Variants in ZHX2 observed in about 807,000 individuals in gnomAD.
The protein encoded by ZHX2 is zinc fingers and homeoboxes 2.
ZHX2 carries 6 observed loss-of-function variants against 21.9 expected under a neutral mutation model. That is an observed-to-expected ratio of 0.27 (90% CI 0.15 to 0.54). ZHX2 has a LOEUF of 0.54. ZHX2 is among the 20% of genes least tolerant of loss of function. The probability of loss-of-function intolerance (pLI) is 0.95; values close to 1 mark genes in which losing one functional copy is unlikely to be tolerated. For missense variants in ZHX2, 908 were observed against 1,090.7 expected (o/e 0.83, Z 2.36); for synonymous variants, 434 against 437.1 (o/e 0.99, Z 0.09).
chr8:122,913,552 C>G (rs1467086966), intron 2 of ZHX2, among the ~76,000 whole-genome samples: 1 of 152,302 alleles, frequency 6.6e-6, no homozygotes, highest in South Asian at 2.1e-4. Flanking sequence ...AGGTGGGACT[C>G]TCCCTCTGAG....
intron 2 of ZHX2, among the ~76,000 whole-genome samples, chr8:122,898,545 T>G (rs1820151160): frequency 6.6e-6 from 1 of 152,210 alleles, no homozygotes; most frequent in African/African-American, 2.4e-5. Context: ...CCACTTCTAA[T>G]TGTCTTCCCG....
At chr8:122,871,422 G>A (rs191202904) in intron 2 of ZHX2, among the ~76,000 whole-genome samples, 3 of 150,340 alleles carry the variant, frequency 2.0e-5, no homozygotes, top group Admixed American at 6.7e-5. Flanking sequence ...GCAAACTATC[G>A]CAAGGACAAA....
chr8:122,953,509 C>G lies in ZHX2; in HGVS notation c.1999C>G (p.Leu667Val). 6.2e-7 allele frequency: 1 copy of G among 1,614,240 alleles called. No individual in the cohort carries two copies. The highest frequency in any genetic ancestry group is 8.5e-7 in the Non-Finnish European group (1 of 1,180,040). The change falls in exon 3 of 4, where the codon CTG becomes GTG. Residue 667 changes from leucine to valine, a missense_variant. Physicochemically the swap from Leu to Val is conservative, Grantham distance 32 (BLOSUM62 1). This residue lies in a region of ZHX2 where 431 missense variants were observed against 428.6 expected (regional missense o/e 1.01). Coordinates refer to ENST00000314393, the MANE Select transcript of ZHX2 (RefSeq NM_014943.5). This position sits in a 1 kb window ranked among gnomAD's most constrained non-coding sequence, Gnocchi z 4.6. ...CGACCAGTTAGCGGCCAAGACTGGC[C>G]TGGTCCGAACTGAGATTGTGCGTTG... Reference protein sequence around the residue: ...EYDQLAAKTGLVRTEIVRWFK... With the variant: ...EYDQLAAKTGVVRTEIVRWFK...
intron 2 of ZHX2, among the ~76,000 whole-genome samples, chr8:122,865,371 G>T (rs111544386): frequency 1.3e-5 from 2 of 152,010 alleles, no homozygotes; most frequent in African/African-American, 4.8e-5. Context: ...CTCATGATCC[G>T]CCCGCCTCAG....
At position 122,965,905 on chromosome 8, in the gene ZHX2, C is replaced by T. The variant is rs183809860; in HGVS notation, c.*5-7337C>T. On this transcript the variant is annotated intron_variant, in intron 3 of 3. Coordinates refer to ENST00000314393, the MANE Select transcript of ZHX2 (RefSeq NM_014943.5). ...ACTTCTTTTATCATTATATAATGTC[C>T]CTCTTTGTCTTTTTTAACTGTTGTT... Among the ~76,000 whole-genome samples the T allele has an allele frequency of 1.6e-3, 237 of 151,908 alleles. 3 individuals are homozygous for T. Among genetic ancestry groups the T allele is most frequent in the Non-Finnish European group, 1.6e-4 (11 of 67,936 alleles).
chr8:122,953,559 G>A lies in ZHX2; in HGVS notation c.2049G>A (p.Leu683=), dbSNP rs1813200076. The A allele has an allele frequency of 6.2e-7, 1 of 1,614,120 alleles. No homozygotes were observed. Among genetic ancestry groups the A allele is most frequent in the Admixed American group, 1.7e-5 (1 of 60,010 alleles). Residue 683 remains leucine, a synonymous_variant, in exon 3 of 4, where the codon CTG becomes CTA. Transcript: ENST00000314393. This position sits in a 1 kb window ranked among gnomAD's most constrained non-coding sequence, Gnocchi z 4.6. The part of the protein sequence containing the change: ...VRWFKENRCL[L]KTGTVKWMEQ... ...GGTTCAAGGAGAACAGATGCTTGCT[G>A]AAAACGGGAACCGTGAAGTGGATGG...
At chr8:122,950,950 A>G (rs1361813846) in intron 2 of ZHX2, among the ~76,000 whole-genome samples, 1 of 152,026 alleles carries the variant, frequency 6.6e-6, no homozygotes, top group African/African-American at 2.4e-5. Context: ...GAGGTACCAT[A>G]TCTAAAAGTG....
rs1820799126 is a variant in ZHX2 at position 122,924,140 on chromosome 8, A to G, written c.-219-27152A>G. On this transcript the variant is annotated intron_variant, in intron 2 of 3. Coordinates refer to ENST00000314393, the MANE Select transcript of ZHX2 (RefSeq NM_014943.5). ...AGCACCACAAACTGGGTAGCTTGGG[A>G]GAGATTCATTGTCTTCTAGTTCTGG... Among the ~76,000 whole-genome samples, 4 of 152,196 alleles carry G rather than the reference A, an allele frequency of 2.6e-5. No individual in the cohort carries two copies. The South Asian group carries it at 6.2e-4, about 24-fold the overall frequency.
chr8:122,790,849 C>T (rs898198677), intron 1 of ZHX2, among the ~76,000 whole-genome samples: 2 of 152,146 alleles, frequency 1.3e-5, no homozygotes, highest in African/African-American at 4.8e-5. Flanking sequence ...CTCAAGCGAT[C>T]CTCCCATCTC....
chr8:122,865,893 C>T (rs1819281642), intron 2 of ZHX2, among the ~76,000 whole-genome samples: 1 of 152,100 alleles, frequency 6.6e-6, no homozygotes, highest in African/African-American at 2.4e-5. Flanking sequence ...GGAAGCAATC[C>T]CCACCGGTTA....
In ZHX2 at chr8:122,953,174, C is replaced by A. The variant is rs1332365304; in HGVS notation, c.1664C>A (p.Thr555Asn). 1 of 1,613,596 alleles carries A rather than the reference C, an allele frequency of 6.2e-7. No individual in the cohort carries two copies. Among genetic ancestry groups the A allele is most frequent in the African/African-American group, 1.3e-5 (1 of 74,808 alleles). ...AGCTTTTTGAAAAGTTCTTTTCCTA[C>A]CCAAGCAGAACTGGATCGGCTAAGG... ...EDSFLKSSFP[T>N]QAELDRLRVE... is the part of the protein sequence containing the mutation. Residue 555 changes from threonine (T) to asparagine (N), a missense_variant, in exon 3 of 4, where the codon ACC (threonine) becomes AAC (asparagine). Physicochemically the swap from Thr to Asn is moderately conservative, Grantham distance 65. This residue lies in a region of ZHX2 where 431 missense variants were observed against 428.6 expected (regional missense o/e 1.01). Transcript: ENST00000314393. This position sits in a 1 kb window ranked among gnomAD's most constrained non-coding sequence, Gnocchi z 4.6.
intron 2 of ZHX2, among the ~76,000 whole-genome samples, chr8:122,894,702 C>T (rs778071247): frequency 2.0e-5 from 3 of 152,086 alleles, no homozygotes; most frequent in Admixed American, 6.5e-5. Flanking sequence ...TGTTAAATGA[C>T]GAGTTAATGG....
In ZHX2 at chr8:122,896,408, A is replaced by C. The variant is rs555902443; in HGVS notation, c.-220+32869A>C. Among the ~76,000 whole-genome samples the C allele has an allele frequency of 9.2e-5, 14 of 152,348 alleles. No homozygotes were observed. In the South Asian group the frequency reaches 2.9e-3, roughly 32 times the overall value. ...AATGAACATAAAAGCCTATGACACA[A>C]TGATGGAAGTAACTGGCATTTTTGA... is the stretch of plus-strand genomic sequence containing the variant. On this transcript the variant is annotated intron_variant, in intron 2 of 3. Transcript: ENST00000314393.
intron 1 of ZHX2, among the ~76,000 whole-genome samples, chr8:122,838,683 C>G (rs1383459820): frequency 6.8e-6 from 1 of 146,966 alleles, no homozygotes; most frequent in Non-Finnish European, 1.5e-5. Flanking sequence ...TCAAGCGATT[C>G]ATTCCTGCCT....
chr8:122,935,580 G>A (rs1014179510), intron 2 of ZHX2, among the ~76,000 whole-genome samples: 1 of 145,482 alleles, frequency 6.9e-6, no homozygotes, highest in Non-Finnish European at 1.5e-5. Flanking sequence ...CTGTCACCCA[G>A]GCTGGAGTGC....
intron 2 of ZHX2, among the ~76,000 whole-genome samples, chr8:122,868,163 G>A (rs978767620): frequency 5.3e-5 from 8 of 152,294 alleles, no homozygotes; most frequent in Admixed American, 2.0e-4. Flanking sequence ...CACAGCAAGT[G>A]TCCACACCTG....
chr8:122,956,490 G>A (rs1813307152), intron 3 of ZHX2, among the ~76,000 whole-genome samples: 1 of 151,896 alleles, frequency 6.6e-6, no homozygotes, highest in Non-Finnish European at 1.5e-5. Flanking sequence ...CTTGGAGGAA[G>A]GGACATCTGA....
intron 2 of ZHX2, among the ~76,000 whole-genome samples, chr8:122,942,859 AG>A (rs1812879941): frequency 6.6e-6 from 1 of 152,204 alleles, no homozygotes; most frequent in Non-Finnish European, 1.5e-5. Flanking sequence ...GTAAGGAAAA[AG>A]AACAAAGGAT....
chr8:122,840,963 C>T (rs769310314), intron 1 of ZHX2, among the ~76,000 whole-genome samples: 28 of 152,336 alleles, frequency 1.8e-4, no homozygotes, highest in South Asian at 1.0e-3. Context: ...GCCATGTTTC[C>T]TCTGCATGCC....
Sources: allele counts gnomAD v4.1 joint callset (sites outside exome capture counted in the v4.1 genomes callset), GRCh38; gene constraint gnomAD v4.1.1; regional missense constraint gnomAD v4.1.1; non-coding constraint Gnocchi (gnomAD v3.1); transcripts MANE v1.5; gene names NCBI Gene and HGNC (gene_info 2026-07-23, HGNC 2026-07-21).